NTRK3: variants seen among roughly 807,000 people sequenced by gnomAD.
The protein encoded by NTRK3 is neurotrophic receptor tyrosine kinase 3.
NTRK3 carries 24 observed loss-of-function variants against 91.7 expected under a neutral mutation model. The ratio of observed to expected loss-of-function variants is 0.26; its 90% confidence interval spans 0.19 to 0.37. The LOEUF is 0.37. Ranked by LOEUF, NTRK3 falls within the 10% of genes least tolerant of loss-of-function variation. The probability of loss-of-function intolerance (pLI) is 1.00; values close to 1 mark genes in which losing one functional copy is unlikely to be tolerated. For missense variants in NTRK3, 880 were observed against 1,068.9 expected, an observed-to-expected ratio of 0.82 and a Z score of 2.46; for synonymous variants, 483 against 404.0, an observed-to-expected ratio of 1.20 and a Z score of -2.34.
intron 5 of NTRK3, among the ~76,000 whole-genome samples, chr15:88,175,631 G>A (rs1038692984): frequency 7.9e-5 from 12 of 152,036 alleles, no homozygotes; most frequent in African/African-American, 2.4e-4. Flanking sequence ...ATATTTGTAC[G>A]TTCCAATTTT....
chr15:88,121,455 C>T (rs1439519253), intron 13 of NTRK3, among the ~76,000 whole-genome samples: 1 of 152,192 alleles, frequency 6.6e-6, no homozygotes. Flanking sequence ...CAGGAGAGCC[C>T]AGCCAGATCA....
intron 14 of NTRK3, among the ~76,000 whole-genome samples, chr15:87,973,642 G>A (rs1023791397): frequency 6.6e-6 from 1 of 152,142 alleles, no homozygotes; most frequent in African/African-American, 2.4e-5. Context: ...TTAAAGATTG[G>A]CAATGTGGTG....
chr15:87,974,333 G>T (rs1488090522), intron 14 of NTRK3, among the ~76,000 whole-genome samples: 6 of 152,200 alleles, frequency 3.9e-5, no homozygotes, highest in Admixed American at 3.3e-4. Flanking sequence ...TTTAGGGTGA[G>T]CATTGCATGG....
rs555095573 is a variant in NTRK3 at position 88,001,976 on chromosome 15, T to A, written c.1585+30881A>T. 2.6e-5 allele frequency among the ~76,000 whole-genome samples: 4 copies of A among 152,194 alleles called. No homozygotes were observed. In the East Asian group the frequency reaches 7.7e-4, roughly 29 times the overall value. Reference sequence around the variant, plus strand: ...CTTCCAATCAATATACATACATACATGCCAGTTGTTGAATGAAAATGATAT... The same window carrying A: ...CTTCCAATCAATATACATACATACAAGCCAGTTGTTGAATGAAAATGATAT... On this transcript the variant is annotated intron_variant, in intron 14 of 18. Coordinates refer to ENST00000394480, the Ensembl canonical transcript of NTRK3.
chr15:88,009,527 G>T (rs1175914199), intron 14 of NTRK3, among the ~76,000 whole-genome samples: 2 of 152,226 alleles, frequency 1.3e-5, no homozygotes, highest in East Asian at 1.9e-4. Context: ...GAAATGCAGA[G>T]ATTTTTTTGT....
At chr15:87,913,968 G>A (rs906209890) in intron 17 of NTRK3, among the ~76,000 whole-genome samples, 4 of 152,194 alleles carry the variant, frequency 2.6e-5, no homozygotes, top group Non-Finnish European at 4.4e-5. Flanking sequence ...TGGTGGAGAT[G>A]TTCATCCCTT....
At chr15:88,149,130 G>A (rs903920217) in intron 5 of NTRK3, among the ~76,000 whole-genome samples, 2 of 152,246 alleles carry the variant, frequency 1.3e-5, no homozygotes, top group Non-Finnish European at 1.5e-5. Context: ...ACATAGGGAG[G>A]GAGTCCACCC....
At chr15:88,016,699 A>T (rs2077255295) in intron 14 of NTRK3, among the ~76,000 whole-genome samples, 1 of 152,242 alleles carries the variant, frequency 6.6e-6, no homozygotes, top group African/African-American at 2.4e-5. Context: ...CAGGCTTTGC[A>T]GCCGGGAAGG....
Position 87,904,784 on chromosome 15 carries a change from A to AC in NTRK3, c.2134-24357dup, listed in dbSNP as rs1257442045. Among the ~76,000 whole-genome samples, 3 of 152,298 alleles carry AC rather than the reference A, an allele frequency of 2.0e-5. No homozygotes were observed. In the South Asian group the frequency reaches 6.2e-4, roughly 32 times the overall value. ...ATATAACCAGACACTTCTCATCTTT[A>AC]CCCTGATTCCCAGCTGGGACTCCAC... On this transcript the variant is annotated intron_variant, in intron 17 of 18. Transcript: ENST00000394480.
At chr15:87,981,615 C>T (rs2074280383) in intron 14 of NTRK3, among the ~76,000 whole-genome samples, 1 of 152,154 alleles carries the variant, frequency 6.6e-6, no homozygotes, top group Non-Finnish European at 1.5e-5. Flanking sequence ...TCACCATCAC[C>T]ATGAACTCTG....
At chr15:88,063,214 T>C (rs1280755258) in intron 13 of NTRK3, among the ~76,000 whole-genome samples, 1 of 152,236 alleles carries the variant, frequency 6.6e-6, no homozygotes, top group Non-Finnish European at 1.5e-5. Flanking sequence ...GAGTGCTCCA[T>C]ACCTGCCAGT....
At chr15:88,214,128 G>A (rs28602586) in intron 3 of NTRK3, among the ~76,000 whole-genome samples, 4,923 of 152,104 alleles carry the variant, frequency 0.032, 231 homozygotes, top group African/African-American at 0.1. Context: ...CAGGATCTAC[G>A]TGCTTAGCCA....
chr15:87,894,864 G>A lies in NTRK3; in HGVS notation c.2134-14436C>T, dbSNP rs1413215334. Among the ~76,000 whole-genome samples, 5 of 152,122 alleles carry A rather than the reference G, an allele frequency of 3.3e-5. No individual in the cohort carries two copies. The South Asian group carries it at 8.3e-4, about 25-fold the overall frequency. On this transcript the variant is annotated intron_variant, in intron 17 of 18. Transcript: ENST00000394480. ...TCCTCACTGTCTAAGACTATTCTGA[G>A]TTGTGGATACTGGACACTGTATTTT...
At chr15:87,964,169 G>C (rs1420702133) in intron 14 of NTRK3, among the ~76,000 whole-genome samples, 1 of 152,002 alleles carries the variant, frequency 6.6e-6, no homozygotes, top group Non-Finnish European at 1.5e-5. Flanking sequence ...GTATATAATT[G>C]GCTTAGATAT....
exon 19 of NTRK3, chr15:87,867,496 T>C: frequency 4.3e-6 from 1 of 230,084 alleles, no homozygotes; most frequent in Non-Finnish European, 8.6e-6. Context: ...TGAGATGGTA[T>C]ATAATATTTC....
chr15:87,966,155 T>C (rs374167624), intron 14 of NTRK3, among the ~76,000 whole-genome samples: 18 of 152,186 alleles, frequency 1.2e-4, no homozygotes, highest in African/African-American at 4.3e-4. Flanking sequence ...TGTTTACCTC[T>C]CCCATAATTT....
chr15:88,228,934 T>TG (rs1167161271), intron 3 of NTRK3, among the ~76,000 whole-genome samples: 3 of 152,130 alleles, frequency 2.0e-5, no homozygotes, highest in Non-Finnish European at 4.4e-5. Context: ...GGGAGTGTTG[T>TG]GGGGGGACCT....
At chr15:88,135,035 C>A (rs1402248194) in intron 10 of NTRK3, 66 bp downstream of exon 10, 1 of 1,573,494 alleles carries the variant, frequency 6.4e-7, no homozygotes, top group African/African-American at 1.4e-5. Context: ...CTCAAGCTAC[C>A]ATGCCCCATC....
At chr15:87,935,968 T>G (rs1369607457) in intron 15 of NTRK3, among the ~76,000 whole-genome samples, 1 of 152,108 alleles carries the variant, frequency 6.6e-6, no homozygotes, top group Non-Finnish European at 1.5e-5. Flanking sequence ...AAACGTAGGG[T>G]ATGGCAACTA....
Sources: allele counts gnomAD v4.1 joint callset (sites outside exome capture counted in the v4.1 genomes callset), GRCh38; gene constraint gnomAD v4.1.1; transcripts MANE v1.5; gene names NCBI Gene and HGNC (gene_info 2026-07-23, HGNC 2026-07-21).